The following NTM variants were observed in gnomAD, a reference collection of about 807,000 sequenced individuals.
NTM encodes the protein IgLON family member 2.
A neutral mutation model predicts 42.1 loss-of-function variants in NTM; 13 were observed. The ratio of observed to expected loss-of-function variants is 0.31; its 90% CI spans 0.20 to 0.49. The LOEUF (loss-of-function observed/expected upper bound fraction) is 0.49. Ranked by LOEUF, NTM falls within the 20% of genes least tolerant of loss-of-function variation. The pLI is 0.99. For synonymous variants in NTM, 187 were observed against 179.2 expected (o/e 1.04, Z -0.35); for missense variants, 373 against 452.8 (o/e 0.82, Z 1.60).
chr11:131,401,856 A>ATG, intron 1 of NTM, among the ~76,000 whole-genome samples: 1 of 101,562 alleles, frequency 9.8e-6, no homozygotes, highest in African/African-American at 3.5e-5. Flanking sequence ...ATATATATAT[A>ATG]TATATTTTAA....
intron 2 of NTM, among the ~76,000 whole-genome samples, chr11:132,109,739 G>A (rs904808205): frequency 6.6e-6 from 1 of 152,114 alleles, no homozygotes; most frequent in Admixed American, 6.5e-5. Context: ...AGCACACTGA[G>A]TGTGCACAGC....
At chr11:132,251,601 G>A (rs2091943176) in intron 4 of NTM, among the ~76,000 whole-genome samples, 1 of 152,186 alleles carries the variant, frequency 6.6e-6, no homozygotes, top group Non-Finnish European at 1.5e-5. Context: ...CTCACCAGCT[G>A]TTTCACTTTG....
chr11:132,037,175 TG>T (rs549753679), intron 2 of NTM, among the ~76,000 whole-genome samples: 119 of 152,182 alleles, frequency 7.8e-4, no homozygotes, highest in Middle Eastern at 3.4e-3. Flanking sequence ...TGCTTCCTCT[TG>T]GGGGGTGAGT....
intron 2 of NTM, among the ~76,000 whole-genome samples, chr11:132,104,772 G>A (rs1005679280): frequency 1.3e-5 from 2 of 149,284 alleles, no homozygotes; most frequent in Admixed American, 6.7e-5. Context: ...GAGCATGGTG[G>A]TACATGCCTG....
At chr11:132,195,558 A>G (rs2080065795) in intron 3 of NTM, among the ~76,000 whole-genome samples, 1 of 152,172 alleles carries the variant, frequency 6.6e-6, no homozygotes, top group African/African-American at 2.4e-5. Flanking sequence ...TTCAAACTAT[A>G]CTACAAGGCT....
chr11:131,836,768 G>T (rs2136619172), intron 1 of NTM, among the ~76,000 whole-genome samples: 1 of 152,276 alleles, frequency 6.6e-6, no homozygotes. Context: ...CTCTGGAACT[G>T]ATTTTACAGA....
In NTM at chr11:132,250,110, T is replaced by C. The variant is rs144156660; in HGVS notation, c.526+37963T>C. Among the ~76,000 whole-genome samples, 1,396 of 152,338 alleles carry C rather than the reference T, an allele frequency of 9.2e-3. 3 individuals are homozygous for C. The highest frequency in any genetic ancestry group is 0.034 in the Middle Eastern group (10 of 294). ...CAGTTTTTGTTTAGTGAAAATGTCTTATTTTGTCCTGATTCCTGAACGGTA... is the reference window on the plus strand; with the variant it reads ...CAGTTTTTGTTTAGTGAAAATGTCTCATTTTGTCCTGATTCCTGAACGGTA... On this transcript the variant is annotated intron_variant, in intron 4 of 8. Coordinates refer to ENST00000683400, the MANE Select transcript of NTM (RefSeq NM_001352005.2).
chr11:132,272,590 A>C (rs2093532727), intron 4 of NTM, among the ~76,000 whole-genome samples: 1 of 152,090 alleles, frequency 6.6e-6, no homozygotes, highest in Admixed American at 6.5e-5. Flanking sequence ...GTTTGTCACT[A>C]TTTTATTAAA....
chr11:131,908,622 G>A (rs922368168), intron 1 of NTM, among the ~76,000 whole-genome samples: 1 of 152,184 alleles, frequency 6.6e-6, no homozygotes, highest in Non-Finnish European at 1.5e-5. Flanking sequence ...GGAGCATAAG[G>A]GATGGTTGAA....
Position 132,335,075 on chromosome 11 carries a change from G to A in NTM, c.997G>A (p.Gly333Ser), listed in dbSNP as rs200656449. 50 of 1,612,434 alleles carry A rather than the reference G, an allele frequency of 3.1e-5. No individual in the cohort carries two copies. Among genetic ancestry groups the A allele is most frequent in the Admixed American group, 1.3e-4 (8 of 60,002 alleles). ...GPGAVSEVSNGTSRRAGCVWL... is the reference protein window; with the variant it reads ...GPGAVSEVSNSTSRRAGCVWL... ...AGGCGCCGTCAGCGAGGTGAGCAACGGCACGTCGAGGAGGGCAGGCTGCGT... is the reference window on the plus strand; with the variant it reads ...AGGCGCCGTCAGCGAGGTGAGCAACAGCACGTCGAGGAGGGCAGGCTGCGT... The change falls in exon 9 of 9, where the codon GGC becomes AGC. Residue 333 changes from glycine (G) to serine (S), a missense_variant. Physicochemically the swap from Gly to Ser is moderately conservative, Grantham distance 56. Around this residue, in one of 3 missense-constraint regions of NTM, gnomAD observed 312 missense variants for 353.5 expected, o/e 0.88. Coordinates refer to ENST00000683400, the MANE Select transcript of NTM (RefSeq NM_001352005.2).
At chr11:132,019,419 C>T (rs958065047) in intron 2 of NTM, among the ~76,000 whole-genome samples, 5 of 151,838 alleles carry the variant, frequency 3.3e-5, no homozygotes, top group African/African-American at 1.2e-4. Context: ...TTGAAATCTC[C>T]AACTTTAAAT....
At chr11:131,792,810 A>AAGAC (rs1449187877) in intron 1 of NTM, among the ~76,000 whole-genome samples, 1 of 152,244 alleles carries the variant, frequency 6.6e-6, no homozygotes, top group East Asian at 1.9e-4. Flanking sequence ...TGTAAGAAGA[A>AAGAC]AGACTGGGCT....
intron 1 of NTM, among the ~76,000 whole-genome samples, chr11:131,861,197 G>C (rs1035177712): frequency 6.6e-6 from 1 of 152,120 alleles, no homozygotes; most frequent in African/African-American, 2.4e-5. Context: ...ATTATGAAGA[G>C]CTAGGAAGGG....
Position 131,370,791 on chromosome 11 carries a change from A to G in NTM, c.-16A>G. On this transcript the variant is annotated 5_prime_UTR_variant, in exon 1 of 9. Transcript: ENST00000683400. ...GAACCTGACAAAAAAGAAGAAAAAG[A>G]AGAAGAAAAAAAATCATGAAAACCA... is the stretch of plus-strand genomic sequence containing the variant. 1 of 1,607,056 alleles carries G rather than the reference A, an allele frequency of 6.2e-7. No homozygotes were observed. The highest frequency in any genetic ancestry group is 8.5e-7 in the Non-Finnish European group (1 of 1,176,354).
intron 1 of NTM, among the ~76,000 whole-genome samples, chr11:131,415,153 C>T (rs999370138): frequency 1.3e-5 from 2 of 152,188 alleles, no homozygotes; most frequent in Non-Finnish European, 2.9e-5. Context: ...ATTGCAGACT[C>T]TTAAAAAGGA....
intron 1 of NTM, among the ~76,000 whole-genome samples, chr11:131,700,830 C>A (rs751485989): frequency 2.0e-5 from 3 of 152,162 alleles, no homozygotes; most frequent in Admixed American, 6.5e-5. Flanking sequence ...CATACGCAAC[C>A]AATAATTTAC....
intron 7 of NTM, among the ~76,000 whole-genome samples, chr11:132,321,831 C>G (rs573402166): frequency 2.0e-5 from 3 of 149,528 alleles, no homozygotes; most frequent in African/African-American, 7.4e-5. Flanking sequence ...GCGGATCTCT[C>G]GGCAGAAACC....
At chr11:131,810,177 C>CT (rs1236728290) in intron 1 of NTM, among the ~76,000 whole-genome samples, 4 of 152,134 alleles carry the variant, frequency 2.6e-5, no homozygotes, top group African/African-American at 9.7e-5. Context: ...CCCTCCTCTG[C>CT]TTAAGGCTTC....
At position 132,155,535 on chromosome 11, in the gene NTM, G is replaced by A. The variant is rs559818969; in HGVS notation, c.400+9021G>A. ...CGTTTCTCCAGCCTCAGCCGCCTCCGCGGAGCTCTATTGCTCCTGGCTTTC... is the reference window on the plus strand; with the variant it reads ...CGTTTCTCCAGCCTCAGCCGCCTCCACGGAGCTCTATTGCTCCTGGCTTTC... On this transcript the variant is annotated intron_variant, in intron 3 of 8. Coordinates refer to ENST00000683400, the MANE Select transcript of NTM (RefSeq NM_001352005.2). 3.6e-4 allele frequency among the ~76,000 whole-genome samples: 54 copies of A among 152,090 alleles called. 1 individual carries two copies. In the South Asian group the frequency reaches 8.3e-3, roughly 23 times the overall value.
Sources: gnomAD v4.1 joint callset for allele counts (sites outside exome capture counted in the v4.1 genomes callset) on GRCh38, gnomAD v4.1.1 for gene constraint, gnomAD v4.1.1 regional missense constraint, MANE v1.5 for transcripts, NCBI Gene and HGNC (gene_info 2026-07-23, HGNC 2026-07-21) for gene names.